The following ZNF385D variants were observed in gnomAD, a reference collection of about 807,000 sequenced individuals.
The protein encoded by ZNF385D is zinc finger protein 385D, also known as zinc finger protein 659.
In ZNF385D, 15 loss-of-function variants were observed where a neutral mutation model predicts 35.8. The observed-to-expected ratio is 0.42, with a 90% CI of 0.28 to 0.64. The LOEUF (loss-of-function observed/expected upper bound fraction) is 0.64, where lower values mean the gene tolerates loss of function less well. ZNF385D is among the 30% of genes least tolerant of loss of function. The pLI is 0.23. For missense variants in ZNF385D, 474 were observed against 494.6 expected (o/e 0.96, Z 0.39); for synonymous variants, 212 against 186.8 (o/e 1.13, Z -1.10).
intron 3 of ZNF385D, among the ~76,000 whole-genome samples, chr3:21,992,717 A>T (rs1242857349): frequency 6.6e-6 from 1 of 152,166 alleles, no homozygotes; most frequent in Non-Finnish European, 1.5e-5. Flanking sequence ...CTTCACAAAC[A>T]TGTTTTACAT....
intron 3 of ZNF385D, among the ~76,000 whole-genome samples, chr3:21,552,429 G>T (rs1222719784): frequency 1.3e-5 from 2 of 152,174 alleles, no homozygotes; most frequent in South Asian, 2.1e-4. Flanking sequence ...ATGATACAAA[G>T]ACATTTCTTA....
rs3765027 is a variant in ZNF385D at position 21,425,687 on chromosome 3, A to C, written c.674-17T>G. The C allele has an allele frequency of 1.5e-3, 2,214 of 1,487,366 alleles. 39 individuals carry two copies. In the South Asian group the frequency reaches 0.023, roughly 16 times the overall value. The allele number at this position is 1,487,366 out of a possible 1,614,324, so 92.1% of individuals were successfully genotyped here. A position where few individuals can be genotyped will look rare whatever the true frequency, so the allele number is the denominator to read the frequency against. ...GCTTAGTACCTGTCAGGAATATTGA[A>C]ATGAAGGAAGGAAAGGAGGGAGGAA... On this transcript the variant is annotated splice_polypyrimidine_tract_variant and intron_variant, in intron 5 of 7. Coordinates refer to ENST00000281523, the MANE Select transcript of ZNF385D (RefSeq NM_024697.3).
intron 3 of ZNF385D, among the ~76,000 whole-genome samples, chr3:21,878,652 A>C (rs183105662): frequency 6.8e-4 from 103 of 152,188 alleles, no homozygotes; most frequent in African/African-American, 2.4e-3. Flanking sequence ...GTAATGAAAC[A>C]TATTTAAATG....
At chr3:21,899,215 G>A (rs1334154668) in intron 3 of ZNF385D, among the ~76,000 whole-genome samples, 2 of 151,696 alleles carry the variant, frequency 1.3e-5, no homozygotes, top group African/African-American at 2.4e-5. Flanking sequence ...AGTGCCCTAT[G>A]ACAAAAAATT....
intron 1 of ZNF385D, among the ~76,000 whole-genome samples, chr3:21,673,891 G>T (rs536605545): frequency 6.6e-6 from 1 of 152,000 alleles, no homozygotes; most frequent in Non-Finnish European, 1.5e-5. Flanking sequence ...CTCATTAATG[G>T]CAAGTGTTTA....
At chr3:21,518,443 T>C (rs1395201862) in intron 3 of ZNF385D, among the ~76,000 whole-genome samples, 3 of 152,190 alleles carry the variant, frequency 2.0e-5, no homozygotes, top group African/African-American at 7.2e-5. Context: ...CCTGATCTCA[T>C]TACTTTTATC....
At chr3:22,371,279 G>A (rs1424536765) in intron 2 of ZNF385D, among the ~76,000 whole-genome samples, 1 of 152,124 alleles carries the variant, frequency 6.6e-6, no homozygotes, top group Non-Finnish European at 1.5e-5. Flanking sequence ...CACCTGAAAG[G>A]CACATTTCAC....
intron 3 of ZNF385D, among the ~76,000 whole-genome samples, chr3:22,116,133 T>G (rs1275388089): frequency 6.6e-6 from 1 of 152,098 alleles, no homozygotes; most frequent in African/African-American, 2.4e-5. Context: ...TAATAATCTT[T>G]ATAAATCAGT....
At chr3:22,051,008 T>C (rs1479983359) in intron 3 of ZNF385D, among the ~76,000 whole-genome samples, 1 of 42,604 alleles carries the variant, frequency 2.3e-5, no homozygotes, top group African/African-American at 8.9e-5. Flanking sequence ...TAGATGTCTA[T>C]TAGGTCTGCT....
At chr3:21,462,847 T>C (rs1703263400) in intron 4 of ZNF385D, among the ~76,000 whole-genome samples, 1 of 152,134 alleles carries the variant, frequency 6.6e-6, no homozygotes, top group African/African-American at 2.4e-5. Flanking sequence ...CTGGGCATGG[T>C]GGCTCACACC....
chr3:22,149,465 G>T (rs925070341), intron 3 of ZNF385D, among the ~76,000 whole-genome samples: 1 of 152,086 alleles, frequency 6.6e-6, no homozygotes, highest in Non-Finnish European at 1.5e-5. Context: ...CAACAGAATC[G>T]CCCAAAGCGT....
intron 3 of ZNF385D, among the ~76,000 whole-genome samples, chr3:22,005,056 C>CAAAAAAAAAA (rs71044965): frequency 2.3e-4 from 13 of 57,370 alleles, no homozygotes; most frequent in Non-Finnish European, 3.2e-4. Context: ...CACTCAGCAG[C>CAAAAAAAAAA]AAAAAAAAAA....
intron 2 of ZNF385D, among the ~76,000 whole-genome samples, chr3:22,221,786 A>C (rs1327706665): frequency 6.6e-6 from 1 of 152,134 alleles, no homozygotes; most frequent in Non-Finnish European, 1.5e-5. Context: ...TAGAATTAAA[A>C]CTAAATTTAA....
chr3:21,555,578 G>A (rs1301418211), intron 3 of ZNF385D, among the ~76,000 whole-genome samples: 1 of 152,144 alleles, frequency 6.6e-6, no homozygotes, highest in African/African-American at 2.4e-5. Context: ...GTTCCATGGT[G>A]TATACGTGCC....
At chr3:22,028,084 G>A (rs573683467) in intron 3 of ZNF385D, among the ~76,000 whole-genome samples, 20 of 152,306 alleles carry the variant, frequency 1.3e-4, no homozygotes, top group Admixed American at 1.0e-3. Context: ...ATGGGCTGTA[G>A]TCAATGGTTT....
chr3:21,472,384 G>A (rs1703952131), intron 4 of ZNF385D, among the ~76,000 whole-genome samples: 1 of 152,044 alleles, frequency 6.6e-6, no homozygotes, highest in Admixed American at 6.6e-5. Flanking sequence ...AGCAAAAAAA[G>A]TTAGTAGGGT....
rs190626307 is a variant in ZNF385D, at chr3:22,362,285, A to T, written c.106+10165T>A. 7.6e-3 allele frequency among the ~76,000 whole-genome samples: 1,152 copies of T among 151,356 alleles called. 8 individuals are homozygous for T. Among genetic ancestry groups the T allele is most frequent in the Non-Finnish European group, 0.013 (881 of 67,738 alleles). On this transcript the variant is annotated intron_variant, in intron 2 of 5. Transcript: ENST00000494108. The stretch of plus-strand genomic sequence containing the variant: ...CATCTCTTCAGATTAACTTGCATTG[A>T]TTTTTTTTTATTTATGAAGAATCAA...
intron 4 of ZNF385D, among the ~76,000 whole-genome samples, chr3:21,461,344 T>G (rs1272476751): frequency 6.6e-6 from 1 of 151,802 alleles, no homozygotes; most frequent in Non-Finnish European, 1.5e-5. Flanking sequence ...AGGTTAGGAG[T>G]TTGAGACCAC....
intron 3 of ZNF385D, among the ~76,000 whole-genome samples, chr3:21,889,871 G>T (rs551055038): frequency 1.2e-4 from 19 of 152,180 alleles, no homozygotes; most frequent in African/African-American, 3.9e-4. Flanking sequence ...TCTGTTCCAG[G>T]CCTTTTCCTT....
Sources: gnomAD v4.1 joint callset for allele counts (sites outside exome capture counted in the v4.1 genomes callset) on GRCh38, gnomAD v4.1.1 for gene constraint, MANE v1.5 for transcripts, NCBI Gene and HGNC (gene_info 2026-07-23, HGNC 2026-07-21) for gene names.